CSMD1: variants seen among roughly 807,000 people sequenced by gnomAD.
CSMD1 encodes the protein CUB and Sushi multiple domains 1.
Under a neutral mutation model 417.5 loss-of-function variants are expected in CSMD1, and 213 were observed. The observed-to-expected ratio is 0.51, with a 90% CI of 0.46 to 0.57. The LOEUF is 0.57. CSMD1 is among the 20% of genes least tolerant of loss of function. The pLI is 0.00. For synonymous variants in CSMD1, 2,862 were observed against 1,736.8 expected (o/e 1.65, Z -16.11); for missense variants, 6,923 against 4,529.7 (o/e 1.53, Z -15.17).
intron 3 of CSMD1, among the ~76,000 whole-genome samples, chr8:4,035,554 G>A (rs531199651): frequency 2.2e-4 from 34 of 152,220 alleles, no homozygotes; most frequent in African/African-American, 6.7e-4. Context: ...AGATGACCCC[G>A]TGCAGGCCTA....
chr8:4,083,509 C>G (rs879347197), intron 3 of CSMD1, among the ~76,000 whole-genome samples: 16 of 152,130 alleles, frequency 1.1e-4, no homozygotes, highest in East Asian at 5.8e-4. Context: ...ATCAATGGAA[C>G]AGAACACAGC....
intron 5 of CSMD1, among the ~76,000 whole-genome samples, chr8:3,929,546 T>C (rs761247630): frequency 6.6e-6 from 1 of 150,678 alleles, no homozygotes; most frequent in Non-Finnish European, 1.5e-5. Context: ...AACTGGGTTG[T>C]CTGTCTATTC....
At chr8:3,251,689 C>T (rs1181152429) in intron 26 of CSMD1, among the ~76,000 whole-genome samples, 1 of 152,124 alleles carries the variant, frequency 6.6e-6, no homozygotes, top group African/African-American at 2.4e-5. Context: ...ATTCTTCCTA[C>T]CCATGAGCAT....
chr8:3,890,067 G>T (rs1368297635), intron 5 of CSMD1, among the ~76,000 whole-genome samples: 1 of 151,962 alleles, frequency 6.6e-6, no homozygotes, highest in Non-Finnish European at 1.5e-5. Flanking sequence ...ATTTATCATT[G>T]CATTTGTGTG....
chr8:4,624,825 G>A (rs1404081348), intron 2 of CSMD1, among the ~76,000 whole-genome samples: 1 of 152,128 alleles, frequency 6.6e-6, no homozygotes, highest in African/African-American at 2.4e-5. Flanking sequence ...AGACCTCAGA[G>A]TCCACATCAC....
At chr8:4,197,542 C>T (rs976600821) in intron 3 of CSMD1, among the ~76,000 whole-genome samples, 8 of 152,164 alleles carry the variant, frequency 5.3e-5, no homozygotes, top group African/African-American at 1.9e-4. Flanking sequence ...GGTCTTCCAA[C>T]TAAAACACTG....
intron 3 of CSMD1, among the ~76,000 whole-genome samples, chr8:4,231,102 C>T (rs1477689296): frequency 6.6e-6 from 1 of 152,092 alleles, no homozygotes; most frequent in Non-Finnish European, 1.5e-5. Flanking sequence ...CATTTCTCCA[C>T]CAAGGATATA....
intron 10 of CSMD1, among the ~76,000 whole-genome samples, chr8:3,545,365 C>G (rs1032419732): frequency 6.6e-6 from 1 of 152,296 alleles, no homozygotes; most frequent in East Asian, 1.9e-4. Flanking sequence ...TTAACATATT[C>G]TTCTACAAAA....
At chr8:3,865,643 C>G (rs149822246) in intron 5 of CSMD1, among the ~76,000 whole-genome samples, 3 of 152,100 alleles carry the variant, frequency 2.0e-5, no homozygotes, top group Non-Finnish European at 4.4e-5. Context: ...TTCACATCAT[C>G]GATGAAATTC....
chr8:3,847,175 C>T (rs1803564600), intron 5 of CSMD1, among the ~76,000 whole-genome samples: 1 of 152,078 alleles, frequency 6.6e-6, no homozygotes, highest in African/African-American at 2.4e-5. Context: ...ATGCCTGAAC[C>T]TTACAGGTGG....
chr8:3,395,566 T>A (rs980192778), intron 17 of CSMD1, among the ~76,000 whole-genome samples: 1 of 152,222 alleles, frequency 6.6e-6, no homozygotes, highest in South Asian at 2.1e-4. Flanking sequence ...ATGTGGAAGT[T>A]TGGACTGTTT....
chr8:4,821,221 T>A (rs769505882), intron 1 of CSMD1, among the ~76,000 whole-genome samples: 1 of 152,156 alleles, frequency 6.6e-6, no homozygotes, highest in Non-Finnish European at 1.5e-5. Context: ...GGAAAAACAT[T>A]CTTACAATTA....
At chr8:3,819,386 C>G (rs1054370785) in intron 5 of CSMD1, among the ~76,000 whole-genome samples, 3 of 152,164 alleles carry the variant, frequency 2.0e-5, no homozygotes, top group Non-Finnish European at 2.9e-5. Context: ...TTGTTTTGCT[C>G]CAGAAAGTCA....
chr8:4,119,446 C>A (rs543738404), intron 3 of CSMD1, among the ~76,000 whole-genome samples: 5 of 152,278 alleles, frequency 3.3e-5, no homozygotes, highest in South Asian at 2.1e-4. Flanking sequence ...GTGTCATGGA[C>A]TGAATATCTG....
intron 35 of CSMD1, among the ~76,000 whole-genome samples, 174 bp from the exon 36 acceptor site, chr8:3,188,139 A>G (rs1051409352): frequency 9.5e-5 from 14 of 147,664 alleles, no homozygotes; most frequent in Non-Finnish European, 1.9e-4. Context: ...CCATATATAT[A>G]TACATATACA....
chr8:4,195,597 A>T (rs192428158), intron 3 of CSMD1, among the ~76,000 whole-genome samples: 1 of 152,064 alleles, frequency 6.6e-6, no homozygotes, highest in Non-Finnish European at 1.5e-5. Flanking sequence ...CACTGTCATG[A>T]CTGTGTGATA....
At chr8:4,875,149 G>A (rs758332859) in intron 1 of CSMD1, among the ~76,000 whole-genome samples, 37 of 151,708 alleles carry the variant, frequency 2.4e-4, no homozygotes, top group Non-Finnish European at 7.4e-5. Flanking sequence ...GGTAGTATGT[G>A]CTCTGCCTAC....
intron 53 of CSMD1, 37 bp from the exon 54 acceptor site, chr8:2,998,221 G>C (rs766951899): frequency 6.3e-7 from 1 of 1,597,876 alleles, no homozygotes; most frequent in African/African-American, 1.3e-5. Context: ...GTTAAATATT[G>C]AACAGGTCAT....
chr8:3,468,824 C>T lies in CSMD1; in HGVS notation c.1449G>A (p.Val483=), dbSNP rs757639779. Residue 483 remains valine (V), a splice_region_variant and synonymous_variant, in exon 12 of 70, where the codon GTG becomes GTA. Coordinates refer to ENST00000635120, the MANE Select transcript of CSMD1 (RefSeq NM_033225.6). ...GGTCAGGAACACTGGATCCCGTGAG[C>T]CTGCAAGAAAGAGAAATGTCAAAGC... ...KVGDTRSVLY[V]LTGSSVPDLI... 1 of 1,582,618 alleles carries T rather than the reference C, an allele frequency of 6.3e-7. No homozygotes were observed. The highest frequency in any genetic ancestry group is 1.2e-5 in the South Asian group (1 of 86,898).
Sources: allele counts gnomAD v4.1 joint callset (sites outside exome capture counted in the v4.1 genomes callset), GRCh38; gene constraint gnomAD v4.1.1; transcripts MANE v1.5; gene names NCBI Gene and HGNC (gene_info 2026-07-23, HGNC 2026-07-21).